RASA1: variants seen among roughly 807,000 people sequenced by gnomAD.
RASA1 encodes ras GTPase-activating protein 1.
Under a neutral mutation model 132.2 loss-of-function variants are expected in RASA1, and 25 were observed. The ratio of observed to expected loss-of-function variants is 0.19; its 90% confidence interval spans 0.14 to 0.26. The LOEUF is 0.26. Among genes scored for constraint, RASA1 ranks in the 10% least tolerant of loss-of-function variants. RASA1 has a pLI of 1.00. For missense variants in RASA1, 964 were observed against 1,299.2 expected, an observed-to-expected ratio of 0.74 and a Z score of 3.97; for synonymous variants, 477 against 449.9, an observed-to-expected ratio of 1.06 and a Z score of -0.76.
chr5:87,371,568 C>T (rs534831963), intron 12 of RASA1, among the ~76,000 whole-genome samples: 3 of 152,038 alleles, frequency 2.0e-5, no homozygotes, highest in Non-Finnish European at 4.4e-5. Context: ...TTTTTAAAAT[C>T]TAATGTTATA....
intron 8 of RASA1, 141 bp downstream of exon 8, chr5:87,349,505 CAT>C: frequency 1.0e-6 from 1 of 980,928 alleles, no homozygotes; most frequent in South Asian, 1.7e-5. Context: ...TCATAGTAGT[CAT>C]GCCCAAGAAT....
At chr5:87,354,886 T>C (rs1412614755) in intron 9 of RASA1, among the ~76,000 whole-genome samples, 1 of 152,170 alleles carries the variant, frequency 6.6e-6, no homozygotes, top group Non-Finnish European at 1.5e-5. Flanking sequence ...GTGGTCTGGA[T>C]TGAAGATTAA....
At position 87,333,261 on chromosome 5, in the gene RASA1, T is replaced by A. The variant is rs1327058521; in HGVS notation, c.829-6T>A. The A allele has an allele frequency of 1.9e-6, 3 of 1,612,730 alleles. No homozygotes were observed. The East Asian group carries it at 6.7e-5, about 36-fold the overall frequency. ...TTTTAAATCTTTTTTTTTTTATGGT[T>A]TCTAGCCAGTAGAAGATAGAAGGCG... On this transcript the variant is annotated splice_polypyrimidine_tract_variant and splice_region_variant and intron_variant, in intron 3 of 24. Transcript: ENST00000274376.
intron 18 of RASA1, among the ~76,000 whole-genome samples, 173 bp downstream of exon 18, chr5:87,378,711 TA>T (rs34112481): frequency 6.6e-6 from 1 of 152,204 alleles, no homozygotes; most frequent in African/African-American, 2.4e-5. Context: ...ATGGACTTCT[TA>T]AAAAAGATGT....
intron 1 of RASA1, among the ~76,000 whole-genome samples, chr5:87,323,120 C>A (rs945356797): frequency 6.6e-6 from 1 of 152,062 alleles, no homozygotes; most frequent in Non-Finnish European, 1.5e-5. Flanking sequence ...ATTTCCATGA[C>A]TGTGAATAAA....
chr5:87,304,677 A>ACCAT (rs1755527721), intron 1 of RASA1, among the ~76,000 whole-genome samples: 2 of 152,028 alleles, frequency 1.3e-5, no homozygotes, highest in African/African-American at 2.4e-5. Context: ...CATGTTGGGG[A>ACCAT]GGCTGGTCTT....
Position 87,390,891 on chromosome 5 carries a change from C to T in RASA1, c.*8C>T, listed in dbSNP as rs181092734. ...ACCAATGATGTCAGGTAGCAGCCTT[C>T]GCCCCAGTGTTCTGCATGGATTCAG... is the stretch of plus-strand genomic sequence containing the variant. On this transcript the variant is annotated 3_prime_UTR_variant, in exon 25 of 25. Transcript: ENST00000274376. 5.9e-5 allele frequency: 95 copies of T among 1,602,640 alleles called. No homozygotes were observed. In the African/African-American group the frequency reaches 8.7e-4, roughly 15 times the overall value.
At position 87,268,580 on chromosome 5, in the gene RASA1, T is replaced by G; in HGVS notation, c.129T>G (p.Pro43=). Residue 43 remains proline (P), a synonymous_variant, in exon 1 of 25, where the codon CCT becomes CCG. Transcript: ENST00000274376. ...VCRVKIPAAL[P]VAAAPYPGLV... ...GGGTGAAGATACCCGCGGCCCTGCC[T>G]GTGGCAGCCGCCCCCTATCCTGGGC... 1.2e-6 allele frequency: 2 copies of G among 1,609,426 alleles called. No individual in the cohort carries two copies. Among genetic ancestry groups the G allele is most frequent in the Non-Finnish European group, 1.7e-6 (2 of 1,178,588 alleles).
At chr5:87,355,339 T>C (rs566563845) in intron 9 of RASA1, among the ~76,000 whole-genome samples, 1 of 152,210 alleles carries the variant, frequency 6.6e-6, no homozygotes, top group African/African-American at 2.4e-5. Context: ...TATCGTTGAC[T>C]ATTCTGAAAA....
intron 1 of RASA1, among the ~76,000 whole-genome samples, chr5:87,304,357 C>T (rs758043466): frequency 2.0e-5 from 3 of 152,080 alleles, no homozygotes; most frequent in Non-Finnish European, 4.4e-5. Flanking sequence ...TTATTACAGT[C>T]TACTGAAAAT....
rs538102459 is a variant in RASA1 at position 87,330,980 on chromosome 5, C to G, written c.540-368C>G. ...AAGTCATGGTTCCTCAGTATAAGATCGAGGTAGTAAATTAATCATTTCCAT... is the reference window on the plus strand; with the variant it reads ...AAGTCATGGTTCCTCAGTATAAGATGGAGGTAGTAAATTAATCATTTCCAT... On this transcript the variant is annotated intron_variant, in intron 1 of 24. Coordinates refer to ENST00000274376, the MANE Select transcript of RASA1 (RefSeq NM_002890.3). 4.6e-5 allele frequency: 66 copies of G among 1,431,770 alleles called. No individual in the cohort carries two copies. In the African/African-American group the frequency reaches 8.8e-4, roughly 19 times the overall value. 88.7% of individuals were successfully genotyped at this position (1,431,770 alleles called of 1,614,324 possible). A position where few individuals can be genotyped will look rare whatever the true frequency, so the allele number is the denominator to read the frequency against.
At chr5:87,299,102 C>T (rs555502392) in intron 1 of RASA1, among the ~76,000 whole-genome samples, 1 of 152,258 alleles carries the variant, frequency 6.6e-6, no homozygotes, top group African/African-American at 2.4e-5. Context: ...ATTTTTCACC[C>T]TCAAAAAATT....
intron 8 of RASA1, among the ~76,000 whole-genome samples, chr5:87,350,848 A>C (rs1157643412): frequency 6.6e-6 from 1 of 151,726 alleles, no homozygotes; most frequent in Non-Finnish European, 1.5e-5. Context: ...TTTTAACATT[A>C]AACTTCTTTA....
Position 87,333,429 on chromosome 5 carries a change from A to T in RASA1, c.899+92A>T. On this transcript the variant is annotated intron_variant, in intron 4 of 24. Coordinates refer to ENST00000274376, the MANE Select transcript of RASA1 (RefSeq NM_002890.3). ...TGGACTAGGAAGCTTTTGAAATTTG[A>T]AGAAATGGCATACAGCAAGGTGAAA... The T allele has an allele frequency of 3.9e-6, 6 of 1,556,446 alleles. No homozygotes were observed. The South Asian group carries it at 7.1e-5, about 19-fold the overall frequency.
chr5:87,283,632 A>G (rs1057279245), intron 1 of RASA1, among the ~76,000 whole-genome samples: 1 of 152,094 alleles, frequency 6.6e-6, no homozygotes, highest in Non-Finnish European at 1.5e-5. Context: ...CCCTAAATAT[A>G]ATTATAGCTA....
Position 87,386,064 on chromosome 5 carries a change from T to C in RASA1, c.2847+675T>C, listed in dbSNP as rs546600577. 2.8e-4 allele frequency among the ~76,000 whole-genome samples: 42 copies of C among 152,162 alleles called. 1 individual carries two copies. The South Asian group carries it at 8.3e-3, about 30-fold the overall frequency. Reference sequence around the variant, plus strand: ...TTTCCTGTCAGCAATTTAAGATACTTTTATTGCTCCTCACAGCCTTGCCAG... The same window carrying C: ...TTTCCTGTCAGCAATTTAAGATACTCTTATTGCTCCTCACAGCCTTGCCAG... On this transcript the variant is annotated intron_variant, in intron 22 of 24. Coordinates refer to ENST00000274376, the MANE Select transcript of RASA1 (RefSeq NM_002890.3).
chr5:87,282,929 C>G (rs1754380863), intron 1 of RASA1, among the ~76,000 whole-genome samples: 1 of 152,100 alleles, frequency 6.6e-6, no homozygotes, highest in African/African-American at 2.4e-5. Context: ...AATGACTAAA[C>G]TGAGCTAATT....
At position 87,383,716 on chromosome 5, in the gene RASA1, TTTTG is replaced by T. The variant is rs886041232; in HGVS notation, c.2698_2701del (p.Val900PhefsTer10). On this transcript the variant is annotated frameshift_variant, in exon 21 of 25. Coordinates refer to ENST00000274376, the MANE Select transcript of RASA1 (RefSeq NM_002890.3). LOFTEE classifies it high-confidence loss of function. ...AAAAAATTTCCCTCCCATTCAGTGG[TTTTG>T]TTTTTCTTCGACTCATCTGTCCTGC... 1.2e-6 allele frequency: 2 copies of T among 1,608,304 alleles called. No individual in the cohort carries two copies. The highest frequency in any genetic ancestry group is 1.3e-5 in the African/African-American group (1 of 74,506).
chr5:87,312,234 T>G (rs1328444773), intron 1 of RASA1, among the ~76,000 whole-genome samples: 1 of 152,208 alleles, frequency 6.6e-6, no homozygotes, highest in East Asian at 1.9e-4. Flanking sequence ...TAAGTAATAG[T>G]CTTCATATAC....
Sources: allele counts gnomAD v4.1 joint callset (sites outside exome capture counted in the v4.1 genomes callset), GRCh38; gene constraint gnomAD v4.1.1; transcripts MANE v1.5; gene names NCBI Gene and HGNC (gene_info 2026-07-23, HGNC 2026-07-21).